Variants in CSPG5 observed in about 807,000 individuals in gnomAD.
CSPG5 encodes acidic leucine-rich EGF-like domain-containing brain protein.
CSPG5 carries 25 observed loss-of-function variants against 39.8 expected under a neutral mutation model. The ratio of observed to expected loss-of-function variants is 0.63; its 90% CI spans 0.46 to 0.88. The LOEUF is 0.88. Among genes scored for constraint, CSPG5 ranks in the 40% least tolerant of loss-of-function variants. CSPG5 has a pLI of 0.00. For missense variants in CSPG5, 627 were observed against 702.2 expected, an observed-to-expected ratio of 0.89 and a Z score of 1.21; for synonymous variants, 295 against 303.9, an observed-to-expected ratio of 0.97 and a Z score of 0.31.
chr3:47,565,662 G>A (rs2031266886), intron 4 of CSPG5, among the ~76,000 whole-genome samples: 1 of 144,282 alleles, frequency 6.9e-6, no homozygotes, highest in African/African-American at 2.5e-5. Context: ...AGTCTGGAGA[G>A]TAGGAAAGAG....
chr3:47,569,836 C>T (rs1198996468), intron 3 of CSPG5, among the ~76,000 whole-genome samples: 1 of 151,192 alleles, frequency 6.6e-6, no homozygotes, highest in East Asian at 2.0e-4. Context: ...CAGCCTTGAC[C>T]TCCTGGACTC....
upstream of CSPG5, chr3:47,579,065 G>C (rs1483052421): frequency 6.4e-6 from 1 of 157,438 alleles, no homozygotes; most frequent in African/African-American, 2.4e-5. The surrounding 1 kb of genome is among the most constrained non-coding windows in gnomAD (Gnocchi z 4.2). Context: ...CGAGGCAGGC[G>C]CACGGCGCGG....
At position 47,572,977 on chromosome 3, in the gene CSPG5, G is replaced by T. The variant is rs191775389; in HGVS notation, c.1194-103C>A. ...AACACCTATCTCCACAGCCTGTTCC[G>T]AAGGCCATCTAGAGGAACTGCAATG... On this transcript the variant is annotated intron_variant, in intron 2 of 4. Coordinates refer to ENST00000264723, the MANE Select transcript of CSPG5 (RefSeq NM_006574.4). The surrounding 1 kb of genome is among the most constrained non-coding windows in gnomAD (Gnocchi z 4.5). The T allele has an allele frequency of 7.5e-6, 7 of 938,480 alleles. No individual in the cohort carries two copies. The highest frequency in any genetic ancestry group is 1.8e-5 in the South Asian group (1 of 55,476). The allele number at this position is 938,480 out of a possible 1,614,324, so 58.1% of individuals were successfully genotyped here.
At chr3:47,574,231 T>C (rs954404601) in intron 2 of CSPG5, among the ~76,000 whole-genome samples, 5 of 152,168 alleles carry the variant, frequency 3.3e-5, no homozygotes, top group African/African-American at 9.6e-5. Flanking sequence ...ATCTTATTCT[T>C]CCACTTGGGA....
At chr3:47,579,389 C>G (rs997554930), upstream of CSPG5, 10 of 152,488 alleles carry the variant, frequency 6.6e-5, no homozygotes, top group Non-Finnish European at 1.2e-4. The surrounding 1 kb of genome is among the most constrained non-coding windows in gnomAD (Gnocchi z 4.2). Context: ...CGGGTCTCCA[C>G]GAGGGAGGGG....
Position 47,577,266 on chromosome 3 carries a change from A to G in CSPG5, c.760T>C (p.Tyr254His), listed in dbSNP as rs759131931. ...TCATCGAAGGGGGTGAAATCATCGT[A>G]TAAGTCAAGCAGGCTCCAGGAAGGG... ...ETPSWSLLDL[Y>H]DDFTPFDESD... is the part of the protein sequence containing the mutation. Residue 254 changes from tyrosine (Y) to histidine (H), a missense_variant, in exon 2 of 5, where the codon TAC becomes CAC. Transcript: ENST00000264723. This position sits in a 1 kb window ranked among gnomAD's most constrained non-coding sequence, Gnocchi z 4.7. 4.3e-6 allele frequency: 7 copies of G among 1,612,754 alleles called. No homozygotes were observed. The highest frequency in any genetic ancestry group is 2.2e-5 in the East Asian group (1 of 44,846).
Position 47,578,430 on chromosome 3 carries a change from C to T in CSPG5, c.97+167G>A, listed in dbSNP as rs1367222294. Among the ~76,000 whole-genome samples, 2 of 148,236 alleles carry T rather than the reference C, an allele frequency of 1.3e-5. No individual in the cohort carries two copies. Among genetic ancestry groups the T allele is most frequent in the African/African-American group, 4.9e-5 (2 of 40,508 alleles). ...TCGGCCCCCACGCGGGTCGGCCTTTCCCGGACCCCCACCACCTCCTGGGAC... is the reference window on the plus strand; with the variant it reads ...TCGGCCCCCACGCGGGTCGGCCTTTTCCGGACCCCCACCACCTCCTGGGAC... On this transcript the variant is annotated intron_variant, in intron 1 of 4. Transcript: ENST00000264723. The surrounding 1 kb of genome is among the most constrained non-coding windows in gnomAD (Gnocchi z 6.0).
intron 4 of CSPG5, among the ~76,000 whole-genome samples, chr3:47,568,080 T>C (rs2031382471): frequency 6.6e-6 from 1 of 152,206 alleles, no homozygotes; most frequent in Admixed American, 6.5e-5. Flanking sequence ...TCTAGAGTGC[T>C]GAGGCCCCTG....
At chr3:47,567,661 C>G (rs1416943066) in intron 4 of CSPG5, among the ~76,000 whole-genome samples, 3 of 152,194 alleles carry the variant, frequency 2.0e-5, no homozygotes, top group Non-Finnish European at 4.4e-5. Flanking sequence ...GTGAATGAGG[C>G]CACACATTTA....
Position 47,572,774 on chromosome 3 carries a change from C to G in CSPG5, c.1294G>C (p.Val432Leu). ...MCVAVGSAALVLLLLFMMTVF... is the reference protein window; with the variant it reads ...MCVAVGSAALLLLLLFMMTVF... ...GTCATCATGAAGAGCAGGAGCAGGACGAGGGCAGCCGAGCCCACGGCCACG... is the reference window on the plus strand; with the variant it reads ...GTCATCATGAAGAGCAGGAGCAGGAGGAGGGCAGCCGAGCCCACGGCCACG... The change falls in exon 3 of 5, where the codon GTC becomes CTC. Residue 432 changes from valine (V) to leucine (L), a missense_variant. By Grantham distance (32) the Val-to-Leu change is conservative (BLOSUM62 1). Transcript: ENST00000264723. The surrounding 1 kb of genome is among the most constrained non-coding windows in gnomAD (Gnocchi z 4.5). The G allele has an allele frequency of 1.9e-6, 3 of 1,614,168 alleles. No homozygotes were observed. The highest frequency in any genetic ancestry group is 2.5e-6 in the Non-Finnish European group (3 of 1,180,032).
At chr3:47,563,870 G>A (rs980327955) in intron 4 of CSPG5, among the ~76,000 whole-genome samples, 1 of 152,174 alleles carries the variant, frequency 6.6e-6, no homozygotes, top group African/African-American at 2.4e-5. Flanking sequence ...GCCTCTTAAA[G>A]GTTCTCAGGA....
intron 4 of CSPG5, among the ~76,000 whole-genome samples, chr3:47,565,487 A>G (rs2031257322): frequency 1.3e-5 from 2 of 152,160 alleles, no homozygotes; most frequent in Non-Finnish European, 2.9e-5. Flanking sequence ...AACATCTGGC[A>G]TAAGTTCCTA....
In CSPG5 at chr3:47,578,339, C is replaced by CCCCGGCCCCG. The variant is rs2031856915; in HGVS notation, c.97+257_97+258insCGGGGCCGGG. On this transcript the variant is annotated intron_variant, in intron 1 of 4. Transcript: ENST00000264723. The surrounding 1 kb of genome is among the most constrained non-coding windows in gnomAD (Gnocchi z 6.0). The stretch of plus-strand genomic sequence containing the variant: ...CCGCCCCGGCCCCGCCCCGGCCCCG[C>CCCCGGCCCCG]CCCCGGCCCCGCCCCCAGTCCGCAC... 6.7e-6 allele frequency among the ~76,000 whole-genome samples: 1 copy of CCCCGGCCCCG among 149,520 alleles called. No individual in the cohort carries two copies. The highest frequency in any genetic ancestry group is 2.1e-4 in the South Asian group (1 of 4,680).
rs761712822 is a variant in CSPG5, at chr3:47,577,311, G to T, written c.715C>A (p.Pro239Thr). 3 of 1,613,848 alleles carry T rather than the reference G, an allele frequency of 1.9e-6. No individual in the cohort carries two copies. The highest frequency in any genetic ancestry group is 1.1e-5 in the South Asian group (1 of 91,026). ...PGSPGTSENHPDTEGETPSWS... is the reference protein window; with the variant it reads ...PGSPGTSENHTDTEGETPSWS... Reference sequence around the variant, plus strand: ...GAAGGGGTCTCTCCCTCAGTATCAGGGTGGTTCTCTGAGGTTCCTGGTGAC... The same window carrying T: ...GAAGGGGTCTCTCCCTCAGTATCAGTGTGGTTCTCTGAGGTTCCTGGTGAC... The change falls in exon 2 of 5, where the codon CCT becomes ACT. Residue 239 changes from proline to threonine, a missense_variant. By Grantham distance (38) the Pro-to-Thr change is conservative (BLOSUM62 -1). Coordinates refer to ENST00000264723, the MANE Select transcript of CSPG5 (RefSeq NM_006574.4). The surrounding 1 kb of genome is among the most constrained non-coding windows in gnomAD (Gnocchi z 4.7).
chr3:47,570,810 G>A (rs944724544), intron 3 of CSPG5, among the ~76,000 whole-genome samples: 5 of 152,274 alleles, frequency 3.3e-5, no homozygotes, highest in African/African-American at 4.8e-5. Flanking sequence ...ATGAGTTACC[G>A]TGCCCAGCTG....
At position 47,569,663 on chromosome 3, in the gene CSPG5, T is replaced by C. The variant is rs145228206; in HGVS notation, c.1383-436A>G. Among the ~76,000 whole-genome samples the C allele has an allele frequency of 6.9e-4, 105 of 151,924 alleles. 1 individual carries two copies. The highest frequency in any genetic ancestry group is 4.7e-4 in the Non-Finnish European group (32 of 67,988). ...AACAAATACTGTATTTCTTTCTTTA[T>C]TAAAAAAATTATTTTAAATTTTATT... is the stretch of plus-strand genomic sequence containing the variant. On this transcript the variant is annotated intron_variant, in intron 3 of 4. Coordinates refer to ENST00000264723, the MANE Select transcript of CSPG5 (RefSeq NM_006574.4).
At chr3:47,570,210 C>A (rs537746454) in intron 3 of CSPG5, among the ~76,000 whole-genome samples, 2 of 152,078 alleles carry the variant, frequency 1.3e-5, no homozygotes, top group African/African-American at 4.8e-5. Context: ...TTAAGCCCCA[C>A]GTGCATTAGC....
chr3:47,573,618 T>C (rs1223640940), intron 2 of CSPG5, among the ~76,000 whole-genome samples: 1 of 152,244 alleles, frequency 6.6e-6, no homozygotes, highest in Admixed American at 6.5e-5. Context: ...CATTGCTGTT[T>C]CCATGGGAAC....
In CSPG5 at chr3:47,576,886, G is replaced by A. The variant is rs775912202; in HGVS notation, c.1140C>T (p.Tyr380=). The change falls in exon 2 of 5, where the codon TAC becomes TAT. Residue 380 remains tyrosine, a synonymous_variant. Coordinates refer to ENST00000264723, the MANE Select transcript of CSPG5 (RefSeq NM_006574.4). Reference sequence around the variant, plus strand: ...GGTAGCACTGGCCGCCATTGTGACAGTAACTTGGGAAGAGGTCGCACACTG... The same window carrying A: ...GGTAGCACTGGCCGCCATTGTGACAATAACTTGGGAAGAGGTCGCACACTG... The part of the protein sequence containing the change: ...CRSVCDLFPS[Y]CHNGGQCYLV... The A allele has an allele frequency of 1.9e-6, 3 of 1,594,580 alleles. No individual in the cohort carries two copies. The highest frequency in any genetic ancestry group is 3.4e-5 in the Admixed American group (2 of 58,234).
Sources: allele counts gnomAD v4.1 joint callset (sites outside exome capture counted in the v4.1 genomes callset), GRCh38; gene constraint gnomAD v4.1.1; non-coding constraint Gnocchi (gnomAD v3.1); transcripts MANE v1.5; gene names NCBI Gene and HGNC (gene_info 2026-07-23, HGNC 2026-07-21).